CNOT1: variants seen among roughly 807,000 people sequenced by gnomAD.
CNOT1 encodes the protein CCR4-NOT transcription complex subunit 1.
A neutral mutation model predicts 273.8 loss-of-function variants in CNOT1; 15 were observed. The observed-to-expected ratio is 0.05, with a 90% CI of 0.04 to 0.08. CNOT1 has a LOEUF of 0.08. Among genes scored for constraint, CNOT1 ranks in the 10% least tolerant of loss-of-function variants. CNOT1 has a pLI of 1.00. For missense variants in CNOT1, 1,644 were observed against 2,912.2 expected, an observed-to-expected ratio of 0.56 and a Z score of 10.02; for synonymous variants, 1,022 against 1,005.5, an observed-to-expected ratio of 1.02 and a Z score of -0.31.
In CNOT1 at chr16:58,520,899, T is replaced by C; in HGVS notation, c.*59A>G. 1.3e-6 allele frequency: 2 copies of C among 1,543,552 alleles called. No individual in the cohort carries two copies. The highest frequency in any genetic ancestry group is 2.7e-5 in the African/African-American group (2 of 73,734). On this transcript the variant is annotated 3_prime_UTR_variant, in exon 49 of 49. Coordinates refer to ENST00000317147, the MANE Select transcript of CNOT1 (RefSeq NM_016284.5). ...AGCTGAAAGGATTCTTCAGTCAGTT[T>C]ATGAACTCGGTGCAGTGAGACCTCT...
At chr16:58,538,692 C>A in intron 36 of CNOT1, 80 bp downstream of exon 36, 1 of 1,569,192 alleles carries the variant, frequency 6.4e-7, no homozygotes, top group Non-Finnish European at 8.6e-7. Flanking sequence ...AAAGGGAAAC[C>A]CCTGGACATA....
rs1314645994 is a variant in CNOT1 at position 58,532,413 on chromosome 16, C to A, written c.5896-18G>T. ...CCAAGGACCTACGTAAAACACAAAT[C>A]AGAGCTTGTAAATCATTCAGATAAT... On this transcript the variant is annotated intron_variant, in intron 40 of 48. Coordinates refer to ENST00000317147, the MANE Select transcript of CNOT1 (RefSeq NM_016284.5). The A allele has an allele frequency of 1.9e-6, 3 of 1,607,296 alleles. No individual in the cohort carries two copies. The highest frequency in any genetic ancestry group is 2.6e-6 in the Non-Finnish European group (3 of 1,174,820).
At position 58,532,666 on chromosome 16, in the gene CNOT1, G is replaced by A; in HGVS notation, c.5896-271C>T. The A allele has an allele frequency of 7.1e-6, 3 of 420,354 alleles. 1 individual carries two copies. Among genetic ancestry groups the A allele is most frequent in the Middle Eastern group, 1.4e-3 (2 of 1,392 alleles). 26.0% of individuals were successfully genotyped at this position (420,354 alleles called of 1,614,324 possible). On this transcript the variant is annotated intron_variant, in intron 40 of 48. Transcript: ENST00000317147. ...GCCCAATGGTTCTTCTTCAGCTCTAGAAATCAGCAAGGCCCCTCACATTTC... is the reference window on the plus strand; with the variant it reads ...GCCCAATGGTTCTTCTTCAGCTCTAAAAATCAGCAAGGCCCCTCACATTTC...
chr16:58,524,014 G>A (rs2039495216), intron 46 of CNOT1, among the ~76,000 whole-genome samples: 1 of 152,174 alleles, frequency 6.6e-6, no homozygotes, highest in Admixed American at 6.5e-5. Context: ...TTGGGAGGCT[G>A]AGGCAAGTGG....
At chr16:58,542,758 C>T (rs1455632491) in intron 31 of CNOT1, among the ~76,000 whole-genome samples, 190 bp from the exon 32 acceptor site, 1 of 152,126 alleles carries the variant, frequency 6.6e-6, no homozygotes, top group African/African-American at 2.4e-5. Context: ...ACAAAAATAT[C>T]CTAGACACCT....
intron 16 of CNOT1, among the ~76,000 whole-genome samples, chr16:58,570,398 G>A (rs576509331): frequency 1.2e-4 from 19 of 152,336 alleles, no homozygotes; most frequent in African/African-American, 4.1e-4. Flanking sequence ...AACACTTTGG[G>A]AAGCTAAAAC....
intron 2 of CNOT1, 125 bp from the exon 3 acceptor site, chr16:58,589,031 ATTAAAG>A (rs1411270782): frequency 1.2e-5 from 15 of 1,251,756 alleles, no homozygotes; most frequent in Non-Finnish European, 1.5e-5. Context: ...TCATTTTTGA[ATTAAAG>A]TTAAAGGAAT....
intron 47 of CNOT1, 104 bp from the exon 48 acceptor site, chr16:58,521,421 T>G: frequency 1.7e-6 from 2 of 1,188,564 alleles, no homozygotes; most frequent in South Asian, 3.0e-5. Flanking sequence ...TTGAACCACA[T>G]GCAAAAGTTT....
chr16:58,535,343 T>C (rs1210244404), intron 39 of CNOT1, among the ~76,000 whole-genome samples: 1 of 152,260 alleles, frequency 6.6e-6, no homozygotes, highest in Non-Finnish European at 1.5e-5. Flanking sequence ...TACACTGGTA[T>C]CTGTAAAACT....
intron 1 of CNOT1, among the ~76,000 whole-genome samples, chr16:58,621,223 A>G (rs1243118495): frequency 2.0e-5 from 3 of 152,094 alleles, no homozygotes. Context: ...CTGCCTCCCA[A>G]AAGTGTTAGG....
chr16:58,600,527 G>A (rs572001803), intron 1 of CNOT1, among the ~76,000 whole-genome samples: 4 of 152,178 alleles, frequency 2.6e-5, no homozygotes, highest in African/African-American at 9.6e-5. Flanking sequence ...TGGTATCTGC[G>A]ACCTATTTAT....
At chr16:58,568,117 A>C (rs769702325) in intron 16 of CNOT1, among the ~76,000 whole-genome samples, 1 of 152,240 alleles carries the variant, frequency 6.6e-6, no homozygotes, top group Non-Finnish European at 1.5e-5. Context: ...TCACGCCTGT[A>C]ATCTCAGTAC....
intron 1 of CNOT1, among the ~76,000 whole-genome samples, chr16:58,606,146 T>C (rs2152023591): frequency 6.6e-6 from 1 of 152,298 alleles, no homozygotes; most frequent in South Asian, 2.1e-4. Context: ...TTCACACCTG[T>C]AATCCTAGCA....
chr16:58,538,960 T>TG, intron 35 of CNOT1, 46 bp from the exon 36 acceptor site: 1 of 1,594,384 alleles, frequency 6.3e-7, no homozygotes, highest in South Asian at 1.1e-5. Context: ...ATACAGTGCT[T>TG]GGCCCAACTA....
At chr16:58,533,746 A>G (rs1401862747) in intron 40 of CNOT1, among the ~76,000 whole-genome samples, 1 of 152,208 alleles carries the variant, frequency 6.6e-6, no homozygotes, top group African/African-American at 2.4e-5. Context: ...AACGGTGTGA[A>G]CCTAGGAGGC....
intron 10 of CNOT1, among the ~76,000 whole-genome samples, 181 bp downstream of exon 10, chr16:58,582,612 C>G (rs1485779711): frequency 2.6e-5 from 4 of 152,182 alleles, no homozygotes; most frequent in Non-Finnish European, 5.9e-5. Context: ...CCCCAAATTA[C>G]AAGGTAACAA....
At chr16:58,605,238 C>T (rs1458043611) in intron 1 of CNOT1, among the ~76,000 whole-genome samples, 3 of 152,120 alleles carry the variant, frequency 2.0e-5, no homozygotes, top group Non-Finnish European at 2.9e-5. Context: ...CGTGGTGGCT[C>T]CCACCTGTAA....
At chr16:58,586,853 T>A in intron 6 of CNOT1, 105 bp from the exon 7 acceptor site, 1 of 1,266,256 alleles carries the variant, frequency 7.9e-7, no homozygotes, top group South Asian at 1.4e-5. Context: ...CATTCACCAG[T>A]TCACCCATCT....
chr16:58,593,005 A>G (rs2042115394), intron 2 of CNOT1, among the ~76,000 whole-genome samples: 1 of 152,354 alleles, frequency 6.6e-6, no homozygotes, highest in Non-Finnish European at 1.5e-5. Context: ...ACCCTCAAGC[A>G]TGCCCAAGAT....
Sources: gnomAD v4.1 joint callset for allele counts (sites outside exome capture counted in the v4.1 genomes callset) on GRCh38, gnomAD v4.1.1 for gene constraint, MANE v1.5 for transcripts, NCBI Gene and HGNC (gene_info 2026-07-23, HGNC 2026-07-21) for gene names.